MAPK8IP3: variants seen among roughly 807,000 people sequenced by gnomAD.
MAPK8IP3 encodes C-Jun-amino-terminal kinase-interacting protein 3.
A neutral mutation model predicts 157.8 loss-of-function variants in MAPK8IP3; 49 were observed. The ratio of observed to expected loss-of-function variants is 0.31; its 90% CI spans 0.25 to 0.39. MAPK8IP3 has a LOEUF of 0.39. Among genes scored for constraint, MAPK8IP3 ranks in the 10% least tolerant of loss-of-function variants. MAPK8IP3 has a pLI of 1.00. For missense variants in MAPK8IP3, 1,478 were observed against 1,889.4 expected, an observed-to-expected ratio of 0.78 and a Z score of 4.04; for synonymous variants, 897 against 777.7, an observed-to-expected ratio of 1.15 and a Z score of -2.55.
At position 1,748,357 on chromosome 16, in the gene MAPK8IP3, A is replaced by G; in HGVS notation, c.1097+11A>G. On this transcript the variant is annotated intron_variant, in intron 7 of 31. Transcript: ENST00000610761. ...CCGCACAGGAAGCAGGTACTGGCTC[A>G]GCCCAGGCCCTGGGGTCCTGGGGGC... 2 of 1,609,534 alleles carry G rather than the reference A, an allele frequency of 1.2e-6. No individual in the cohort carries two copies. The highest frequency in any genetic ancestry group is 1.7e-6 in the Non-Finnish European group (2 of 1,176,518).
At chr16:1,714,467 A>T (rs1195223484) in intron 1 of MAPK8IP3, among the ~76,000 whole-genome samples, 1 of 146,318 alleles carries the variant, frequency 6.8e-6, no homozygotes, top group Non-Finnish European at 1.5e-5. Context: ...TTTCCTCAAG[A>T]CCTCTCCTCC....
In MAPK8IP3 at chr16:1,768,542, G is replaced by A; in HGVS notation, c.3808G>A (p.Ala1270Thr). The change falls in exon 31 of 32, where the codon GCC becomes ACC. Residue 1270 changes from alanine (A) to threonine (T), a missense_variant. Physicochemically the swap from Ala to Thr is moderately conservative, Grantham distance 58. Coordinates refer to ENST00000610761, the MANE Select transcript of MAPK8IP3 (RefSeq NM_001318852.2). ...DSPAEGPGPA[A>T]PASEVEGQKL... is the part of the protein sequence containing the mutation. ...CCCAGCCGAGGGCCCTGGGCCAGCT[G>A]CCCCTGCCTCGGAGGTCGAGGGCCA... 4 of 1,564,288 alleles carry A rather than the reference G, an allele frequency of 2.6e-6. No homozygotes were observed. Among genetic ancestry groups the A allele is most frequent in the South Asian group, 1.2e-5 (1 of 86,446 alleles).
At chr16:1,726,974 CTGTG>C (rs896405644) in intron 2 of MAPK8IP3, among the ~76,000 whole-genome samples, 2 of 152,114 alleles carry the variant, frequency 1.3e-5, no homozygotes, top group African/African-American at 4.8e-5. Context: ...TGTGCAGTGT[CTGTG>C]TGTTGTGTGC....
Position 1,724,395 on chromosome 16 carries a change from C to T in MAPK8IP3, c.319-162C>T, listed in dbSNP as rs1453056918. The stretch of plus-strand genomic sequence containing the variant: ...GCCTGAGGAGGGTGGTGGCCACAGC[C>T]ACGTGGCGGGAAGCCCCCATTCCGG... On this transcript the variant is annotated intron_variant, in intron 1 of 31. Coordinates refer to ENST00000610761, the MANE Select transcript of MAPK8IP3 (RefSeq NM_001318852.2). The surrounding 1 kb of genome is among the most constrained non-coding windows in gnomAD (Gnocchi z 4.1). Among the ~76,000 whole-genome samples the T allele has an allele frequency of 1.3e-5, 2 of 152,358 alleles. No homozygotes were observed. The highest frequency in any genetic ancestry group is 2.9e-5 in the Non-Finnish European group (2 of 68,030).
intron 1 of MAPK8IP3, chr16:1,708,050 AT>A (rs2037515127): frequency 6.6e-6 from 1 of 152,176 alleles, no homozygotes; most frequent in Non-Finnish European, 1.5e-5. Flanking sequence ...TTATGCATTG[AT>A]TGGAATGCCC....
chr16:1,762,866 C>G lies in MAPK8IP3; in HGVS notation c.1758C>G (p.Ser586Arg). ...GCCGCCTCTTCAGCTCTTCCTCCAGCCCCCCTCCGGCCAAGCGCCCCTATC... is the reference window on the plus strand; with the variant it reads ...GCCGCCTCTTCAGCTCTTCCTCCAGGCCCCCTCCGGCCAAGCGCCCCTATC... Reference protein sequence around the residue: ...FFSRLFSSSSSPPPAKRPYPS... With the variant: ...FFSRLFSSSSRPPPAKRPYPS... Residue 586 changes from serine to arginine, a missense_variant, in exon 16 of 32, where the codon AGC becomes AGG. Physicochemically the swap from Ser to Arg is moderately radical, Grantham distance 110. This residue lies in a region of MAPK8IP3 where 669 missense variants were observed against 759.8 expected (regional missense o/e 0.88). Coordinates refer to ENST00000610761, the MANE Select transcript of MAPK8IP3 (RefSeq NM_001318852.2). 1.9e-6 allele frequency: 3 copies of G among 1,613,072 alleles called. No individual in the cohort carries two copies. Among genetic ancestry groups the G allele is most frequent in the Non-Finnish European group, 1.7e-6 (2 of 1,179,848 alleles).
chr16:1,764,908 T>C (rs1387384618), intron 19 of MAPK8IP3, 105 bp from the exon 20 acceptor site: 16 of 1,132,976 alleles, frequency 1.4e-5, no homozygotes, highest in Non-Finnish European at 1.9e-5. Context: ...CCTCAAGCTG[T>C]AGTCAAGGCT....
intron 10 of MAPK8IP3, among the ~76,000 whole-genome samples, chr16:1,759,711 G>A (rs373541212): frequency 1.1e-4 from 17 of 152,356 alleles, no homozygotes; most frequent in African/African-American, 3.6e-4. Flanking sequence ...AGGGGCCTGC[G>A]TCCGGCCAGC....
intron 2 of MAPK8IP3, among the ~76,000 whole-genome samples, chr16:1,725,422 G>T (rs1278880195): frequency 6.6e-6 from 1 of 151,050 alleles, no homozygotes; most frequent in Non-Finnish European, 1.5e-5. Flanking sequence ...GAGCTTAGGA[G>T]TTTAAAACCA....
In MAPK8IP3 at chr16:1,739,329, TGA is replaced by T. The variant is rs201644548; in HGVS notation, c.603-3999_603-3998del. On this transcript the variant is annotated intron_variant, in intron 4 of 31. Coordinates refer to ENST00000610761, the MANE Select transcript of MAPK8IP3 (RefSeq NM_001318852.2). ...CCGTGTGAGTGTGTGACCATCCGTGTGAGAGTGTGACCATCCATGTGAGCATC... is the reference window on the plus strand; with the variant it reads ...CCGTGTGAGTGTGTGACCATCCGTGTGAGTGTGACCATCCATGTGAGCATC... Among the ~76,000 whole-genome samples, 225 of 133,836 alleles carry T rather than the reference TGA, an allele frequency of 1.7e-3. 1 individual carries two copies. Among genetic ancestry groups the T allele is most frequent in the East Asian group, 9.8e-3 (40 of 4,066 alleles). The allele number at this position is 133,836 out of a possible 152,430, so 87.8% of individuals were successfully genotyped here. A position where few individuals can be genotyped will look rare whatever the true frequency, so the allele number is the denominator to read the frequency against.
At position 1,724,250 on chromosome 16, in the gene MAPK8IP3, C is replaced by T. The variant is rs1409556472; in HGVS notation, c.319-307C>T. On this transcript the variant is annotated intron_variant, in intron 1 of 31. Coordinates refer to ENST00000610761, the MANE Select transcript of MAPK8IP3 (RefSeq NM_001318852.2). This position sits in a 1 kb window ranked among gnomAD's most constrained non-coding sequence, Gnocchi z 4.1. ...TTGCTGCCCGGGTCTCATGCAGCCA[C>T]GAAGGCAGCCGTAATTGGAAACAAC... 2.6e-5 allele frequency among the ~76,000 whole-genome samples: 4 copies of T among 152,246 alleles called. No homozygotes were observed. Among genetic ancestry groups the T allele is most frequent in the East Asian group, 1.9e-4 (1 of 5,186 alleles).
intron 1 of MAPK8IP3, among the ~76,000 whole-genome samples, chr16:1,708,619 G>A (rs143120550): frequency 6.6e-6 from 1 of 152,174 alleles, no homozygotes; most frequent in African/African-American, 2.4e-5. Flanking sequence ...CCTCCCCCAG[G>A]GCTCCTGCTG....
intron 5 of MAPK8IP3, 32 bp from the exon 6 acceptor site, chr16:1,746,997 T>G: frequency 6.2e-7 from 1 of 1,607,276 alleles, no homozygotes; most frequent in Non-Finnish European, 8.5e-7. Flanking sequence ...CTGCAGTGAC[T>G]CGCTCTCCCT....
chr16:1,718,429 C>T (rs112519565), intron 1 of MAPK8IP3, among the ~76,000 whole-genome samples: 20,069 of 151,776 alleles, frequency 0.13, 2,064 homozygotes, highest in African/African-American at 0.29. Flanking sequence ...GGTGATCCCC[C>T]CACCTCGGCC....
chr16:1,711,668 G>A (rs957070252), intron 1 of MAPK8IP3, among the ~76,000 whole-genome samples: 6 of 152,214 alleles, frequency 3.9e-5, no homozygotes, highest in Non-Finnish European at 7.3e-5. Context: ...AACGCTGGGC[G>A]CAGTGGCTCA....
chr16:1,748,380 G>A (rs1227779129), intron 7 of MAPK8IP3, 34 bp downstream of exon 7: 3 of 1,533,660 alleles, frequency 2.0e-6, no homozygotes, highest in Non-Finnish European at 2.7e-6. Context: ...GGGTCCTGGG[G>A]GCTCAGTATT....
At chr16:1,759,825 G>A (rs1046232955) in intron 10 of MAPK8IP3, 133 bp from the exon 11 acceptor site, 19 of 763,392 alleles carry the variant, frequency 2.5e-5, no homozygotes, top group Admixed American at 1.9e-4. Flanking sequence ...CACGGCCCCC[G>A]CTCCCTGTAG....
chr16:1,718,151 C>A (rs1353878515), intron 1 of MAPK8IP3, among the ~76,000 whole-genome samples: 1 of 151,798 alleles, frequency 6.6e-6, no homozygotes, highest in African/African-American at 2.4e-5. Flanking sequence ...CCAAGCCCGG[C>A]TGAAAATTCT....
intron 9 of MAPK8IP3, among the ~76,000 whole-genome samples, chr16:1,758,767 C>G (rs1211367640): frequency 1.3e-5 from 2 of 152,222 alleles, no homozygotes; most frequent in Non-Finnish European, 2.9e-5. Flanking sequence ...CATGTAACCC[C>G]AAGGATAAAC....
Sources: gnomAD v4.1 joint callset for allele counts (sites outside exome capture counted in the v4.1 genomes callset) on GRCh38, gnomAD v4.1.1 for gene constraint, gnomAD v4.1.1 regional missense constraint, Gnocchi (gnomAD v3.1) non-coding constraint, MANE v1.5 for transcripts, NCBI Gene and HGNC (gene_info 2026-07-23, HGNC 2026-07-21) for gene names.